Variants in UBE2H observed in about 807,000 individuals in gnomAD.
UBE2H encodes ubiquitin conjugating enzyme E2 H.
In UBE2H, 3 loss-of-function variants were observed where a neutral mutation model predicts 29.0. The observed-to-expected ratio is 0.10, with a 90% CI of 0.05 to 0.27. UBE2H has a LOEUF of 0.27. Among genes scored for constraint, UBE2H ranks in the 10% least tolerant of loss-of-function variants. The pLI, the probability that UBE2H is intolerant of heterozygous loss-of-function variation, is 1.00. For synonymous variants in UBE2H, 69 were observed against 82.9 expected (o/e 0.83, Z 0.91); for missense variants, 68 against 228.2 (o/e 0.30, Z 4.52).
chr7:129,866,675 G>A (rs761684534), intron 3 of UBE2H, among the ~76,000 whole-genome samples: 11 of 152,086 alleles, frequency 7.2e-5, no homozygotes, highest in African/African-American at 1.4e-4. Context: ...TGATCATTAC[G>A]TATTGCATAT....
intron 3 of UBE2H, among the ~76,000 whole-genome samples, chr7:129,878,782 A>C (rs1200673143): frequency 6.6e-6 from 1 of 151,806 alleles, no homozygotes; most frequent in Non-Finnish European, 1.5e-5. Context: ...GAGAATGCTC[A>C]ATATATTACA....
intron 1 of UBE2H, among the ~76,000 whole-genome samples, chr7:129,924,134 G>A (rs569785229): frequency 6.6e-6 from 1 of 152,300 alleles, no homozygotes; most frequent in African/African-American, 2.4e-5. Context: ...CACTTCAGGA[G>A]GCCAAAGTAA....
chr7:129,858,758 G>C (rs1563024472), intron 4 of UBE2H, 144 bp downstream of exon 4: 1 of 714,826 alleles, frequency 1.4e-6, no homozygotes, highest in East Asian at 2.9e-5. Flanking sequence ...CATATCCTTT[G>C]GATTCTATCA....
chr7:129,940,830 A>C (rs1807626095), intron 1 of UBE2H, among the ~76,000 whole-genome samples: 1 of 152,262 alleles, frequency 6.6e-6, no homozygotes, highest in African/African-American at 2.4e-5. Flanking sequence ...CAAAAGCTTA[A>C]TTCTTCTCCA....
chr7:129,848,934 C>T (rs79581196), intron 5 of UBE2H, among the ~76,000 whole-genome samples: 1 of 149,868 alleles, frequency 6.7e-6, no homozygotes, highest in Non-Finnish European at 1.5e-5. Context: ...ACAGATTTTC[C>T]TCAAGGGTGT....
intron 5 of UBE2H, among the ~76,000 whole-genome samples, chr7:129,851,477 A>G (rs1372796296): frequency 6.6e-6 from 1 of 152,252 alleles, no homozygotes; most frequent in Admixed American, 6.5e-5. Flanking sequence ...ATCAGAAAAG[A>G]ATAACAAGAG....
At chr7:129,934,931 GTA>G (rs10545721) in intron 1 of UBE2H, among the ~76,000 whole-genome samples, 116,781 of 145,558 alleles carry the variant, frequency 0.8, 46,737 homozygotes, top group East Asian at 0.96. Context: ...ATATATATGT[GTA>G]TATATATATA....
intron 1 of UBE2H, among the ~76,000 whole-genome samples, chr7:129,931,059 AT>A (rs1385737595): frequency 1.3e-5 from 2 of 151,662 alleles, no homozygotes; most frequent in Non-Finnish European, 2.9e-5. Flanking sequence ...TCTCTATTAA[AT>A]ACAAAAAATT....
chr7:129,869,773 G>T (rs962186746), intron 3 of UBE2H, among the ~76,000 whole-genome samples: 1 of 152,206 alleles, frequency 6.6e-6, no homozygotes, highest in Non-Finnish European at 1.5e-5. Context: ...CCCAGGGGCT[G>T]CCTTCATGGA....
chr7:129,896,874 G>A (rs903316258), intron 1 of UBE2H, among the ~76,000 whole-genome samples: 3 of 152,086 alleles, frequency 2.0e-5, no homozygotes, highest in Non-Finnish European at 2.9e-5. Flanking sequence ...TAAATTTTAC[G>A]AGGAAATATT....
chr7:129,920,663 GAC>G (rs1402981684), intron 1 of UBE2H, among the ~76,000 whole-genome samples: 1 of 152,026 alleles, frequency 6.6e-6, no homozygotes, highest in African/African-American at 2.4e-5. Flanking sequence ...AATCAGGAAA[GAC>G]ATCACAGGAG....
At chr7:129,839,068 C>G (rs980731782) in intron 6 of UBE2H, 139 bp downstream of exon 6, 31 of 1,310,672 alleles carry the variant, frequency 2.4e-5, no homozygotes, top group Non-Finnish European at 2.8e-5. Flanking sequence ...TTGGTGAGCA[C>G]TACTTCAGCC....
At chr7:129,886,588 G>C (rs1282935041) in intron 1 of UBE2H, among the ~76,000 whole-genome samples, 1 of 151,982 alleles carries the variant, frequency 6.6e-6, no homozygotes, top group African/African-American at 2.4e-5. Flanking sequence ...CCCTCCCTGA[G>C]CTGTGTGGAA....
At chr7:129,920,419 A>AT (rs1807134193) in intron 1 of UBE2H, among the ~76,000 whole-genome samples, 1 of 152,182 alleles carries the variant, frequency 6.6e-6, no homozygotes, top group Admixed American at 6.5e-5. Flanking sequence ...AATAACCTAA[A>AT]TGTGCATTAA....
chr7:129,879,705 G>A (rs1214989091), intron 2 of UBE2H, 63 bp from the exon 3 acceptor site: 8 of 1,457,924 alleles, frequency 5.5e-6, no homozygotes, highest in Non-Finnish European at 7.6e-6. Context: ...AAATCTGAGT[G>A]TAAATTAAAC....
At chr7:129,936,624 C>A (rs1303941745) in intron 1 of UBE2H, among the ~76,000 whole-genome samples, 2 of 150,122 alleles carry the variant, frequency 1.3e-5, no homozygotes. Context: ...ATTTCTAATT[C>A]TCATTAAGCA....
chr7:129,841,216 TA>T (rs1190575276), intron 5 of UBE2H, among the ~76,000 whole-genome samples: 1 of 152,192 alleles, frequency 6.6e-6, no homozygotes, highest in Non-Finnish European at 1.5e-5. Context: ...TCTGCCACTG[TA>T]ACACAAAAGC....
At chr7:129,951,671 A>C (rs1807878908) in intron 1 of UBE2H, among the ~76,000 whole-genome samples, 1 of 152,158 alleles carries the variant, frequency 6.6e-6, no homozygotes, top group Admixed American at 6.5e-5. Context: ...AAAGGGTGTC[A>C]CTTGGCGACA....
intron 1 of UBE2H, among the ~76,000 whole-genome samples, chr7:129,932,236 G>C (rs1276227911): frequency 6.7e-6 from 1 of 149,388 alleles, no homozygotes; most frequent in East Asian, 2.0e-4. Flanking sequence ...CCATTCTCCT[G>C]CCTCAGCCCC....
Sources: allele counts gnomAD v4.1 joint callset (sites outside exome capture counted in the v4.1 genomes callset), GRCh38; gene constraint gnomAD v4.1.1; transcripts MANE v1.5; gene names NCBI Gene and HGNC (gene_info 2026-07-23, HGNC 2026-07-21).